GDPD1: variants seen among roughly 807,000 people sequenced by gnomAD.
The protein encoded by GDPD1 is lysophospholipase D GDPD1.
GDPD1 carries 28 observed loss-of-function variants against 45.1 expected under a neutral mutation model. That is an observed-to-expected ratio of 0.62 (90% CI 0.46 to 0.85). The LOEUF (loss-of-function observed/expected upper bound fraction) is 0.85, where lower values mean the gene tolerates loss of function less well. Among genes scored for constraint, GDPD1 ranks in the 40% least tolerant of loss-of-function variants. The pLI is 0.00. For missense variants in GDPD1, 256 were observed against 364.8 expected, an observed-to-expected ratio of 0.70 and a Z score of 2.43; for synonymous variants, 139 against 131.4, an observed-to-expected ratio of 1.06 and a Z score of -0.40.
At chr17:59,239,868 G>A (rs1280638789) in intron 2 of GDPD1, among the ~76,000 whole-genome samples, 1 of 151,280 alleles carries the variant, frequency 6.6e-6, no homozygotes, top group East Asian at 1.9e-4. Flanking sequence ...CTAGTAGCTG[G>A]GACTACAGGG....
chr17:59,233,416 A>C (rs1174150529), intron 1 of GDPD1, among the ~76,000 whole-genome samples: 1 of 150,386 alleles, frequency 6.6e-6, no homozygotes. Flanking sequence ...GGAGGCTGAG[A>C]CAGGAGAATG....
intron 3 of GDPD1, among the ~76,000 whole-genome samples, chr17:59,248,302 TATAAA>T (rs554878179): frequency 1.9e-4 from 29 of 151,750 alleles, no homozygotes; most frequent in African/African-American, 4.6e-4. Flanking sequence ...CTGTCTCAAA[TATAAA>T]ATAAAATAAA....
chr17:59,255,792 T>TAA, intron 4 of GDPD1, among the ~76,000 whole-genome samples: 1 of 58,262 alleles, frequency 1.7e-5, no homozygotes, highest in Non-Finnish European at 2.9e-5. Context: ...TATACGCGTA[T>TAA]ATATGTATAT....
chr17:59,225,896 A>G lies in GDPD1; in HGVS notation c.142+5145A>G, dbSNP rs551355173. Among the ~76,000 whole-genome samples, 136 of 151,696 alleles carry G rather than the reference A, an allele frequency of 9.0e-4. 1 individual carries two copies. Among genetic ancestry groups the G allele is most frequent in the Middle Eastern group, 3.4e-3 (1 of 294 alleles). ...ACCACCATGCCCGGCTAATTTTTGT[A>G]CTTTTAGTAGAGATGGGGTTCACCA... is the stretch of plus-strand genomic sequence containing the variant. On this transcript the variant is annotated intron_variant, in intron 1 of 9. Transcript: ENST00000284116.
intron 2 of GDPD1, among the ~76,000 whole-genome samples, chr17:59,244,418 A>C (rs538200101): frequency 3.5e-4 from 53 of 152,206 alleles, no homozygotes; most frequent in African/African-American, 1.3e-3. Flanking sequence ...GGATAGTTTC[A>C]ATCTCCTGAC....
At chr17:59,250,122 G>A (rs965289837) in intron 4 of GDPD1, among the ~76,000 whole-genome samples, 3 of 152,152 alleles carry the variant, frequency 2.0e-5, no homozygotes, top group Non-Finnish European at 4.4e-5. Flanking sequence ...TTAAACCTCA[G>A]ATGTGTTTGA....
At chr17:59,263,834 T>C (rs9944392) in intron 6 of GDPD1, among the ~76,000 whole-genome samples, 67,024 of 151,782 alleles carry the variant, frequency 0.44, 16,571 homozygotes, top group African/African-American at 0.68. Flanking sequence ...AGCCTTTTAA[T>C]TTCCAGATGT....
At chr17:59,259,892 C>T (rs1724028425) in intron 6 of GDPD1, among the ~76,000 whole-genome samples, 1 of 149,346 alleles carries the variant, frequency 6.7e-6, no homozygotes, top group Admixed American at 6.7e-5. Context: ...GAAACCCCAT[C>T]TCTACTAAAA....
At chr17:59,225,591 G>T (rs925407549) in intron 1 of GDPD1, among the ~76,000 whole-genome samples, 1 of 152,158 alleles carries the variant, frequency 6.6e-6, no homozygotes, top group Non-Finnish European at 1.5e-5. Flanking sequence ...GCCTCCCAAA[G>T]TGCTGGGATT....
intron 1 of GDPD1, among the ~76,000 whole-genome samples, chr17:59,224,494 G>T (rs150139889): frequency 6.6e-6 from 1 of 151,896 alleles, no homozygotes; most frequent in African/African-American, 2.4e-5. Context: ...GCGTGGTGGC[G>T]GGCGCCTGTA....
intron 1 of GDPD1, among the ~76,000 whole-genome samples, chr17:59,229,164 ATTATTT>A (rs2047069971): frequency 2.2e-5 from 3 of 134,504 alleles, no homozygotes; most frequent in African/African-American, 8.7e-5. Flanking sequence ...TATTATTATT[ATTATTT>A]TGAGACAGAG....
At chr17:59,246,544 A>T (rs1443899760) in intron 3 of GDPD1, among the ~76,000 whole-genome samples, 1 of 151,474 alleles carries the variant, frequency 6.6e-6, no homozygotes, top group Non-Finnish European at 1.5e-5. Flanking sequence ...CCCCATCTCT[A>T]CTAAAAATAG....
intron 4 of GDPD1, 110 bp from the exon 5 acceptor site, chr17:59,257,011 CT>C: frequency 1.9e-6 from 1 of 515,412 alleles, no homozygotes. Flanking sequence ...CTTCTCTATA[CT>C]TTTCCTTATT....
At chr17:59,268,578 C>CAAAAAAAAAAA (rs1176390251) in intron 7 of GDPD1, among the ~76,000 whole-genome samples, 3 of 35,372 alleles carry the variant, frequency 8.5e-5, no homozygotes, top group South Asian at 1.1e-3. Flanking sequence ...GACTCTGTCT[C>CAAAAAAAAAAA]AAAAAAAAAA....
chr17:59,247,804 G>T (rs984093697), intron 3 of GDPD1, among the ~76,000 whole-genome samples: 1 of 151,674 alleles, frequency 6.6e-6, no homozygotes, highest in African/African-American at 2.4e-5. Context: ...CTAATTTTTC[G>T]TATTTAGTAG....
At chr17:59,240,746 C>T (rs963142172) in intron 2 of GDPD1, among the ~76,000 whole-genome samples, 1 of 152,154 alleles carries the variant, frequency 6.6e-6, no homozygotes, top group Admixed American at 6.6e-5. Context: ...GTTGGGATTA[C>T]AGGCATGAGC....
chr17:59,245,377 TTAAG>T, intron 2 of GDPD1, 33 bp from the exon 3 acceptor site: 2 of 1,581,386 alleles, frequency 1.3e-6, no homozygotes, highest in Non-Finnish European at 1.7e-6. Flanking sequence ...AAATGTATAC[TTAAG>T]TGTCAGATGT....
chr17:59,223,557 T>G (rs1452446914), intron 1 of GDPD1, among the ~76,000 whole-genome samples: 1 of 152,230 alleles, frequency 6.6e-6, no homozygotes, highest in African/African-American at 2.4e-5. Flanking sequence ...CACTGGTCTC[T>G]CTGTGCAATT....
intron 1 of GDPD1, among the ~76,000 whole-genome samples, chr17:59,225,438 A>T (rs539419879): frequency 3.3e-5 from 5 of 152,058 alleles, no homozygotes; most frequent in African/African-American, 4.8e-5. Context: ...AGGATGCAGA[A>T]ATCAGCTTGA....
Sources: gnomAD v4.1 joint callset for allele counts (sites outside exome capture counted in the v4.1 genomes callset) on GRCh38, gnomAD v4.1.1 for gene constraint, MANE v1.5 for transcripts, NCBI Gene and HGNC (gene_info 2026-07-23, HGNC 2026-07-21) for gene names.